The following NKAIN2 variants were observed in gnomAD, a reference collection of about 807,000 sequenced individuals.
NKAIN2 encodes sodium/potassium-transporting ATPase subunit beta-1-interacting protein 2.
In NKAIN2, 14 loss-of-function variants were observed where a neutral mutation model predicts 32.6. That is an observed-to-expected ratio of 0.43 (90% CI 0.28 to 0.67). The LOEUF is 0.67. Among genes scored for constraint, NKAIN2 ranks in the 30% least tolerant of loss-of-function variants. NKAIN2 has a pLI of 0.17. For synonymous variants in NKAIN2, 80 were observed against 87.2 expected, an observed-to-expected ratio of 0.92 and a Z score of 0.46; for missense variants, 198 against 258.3, an observed-to-expected ratio of 0.77 and a Z score of 1.60.
intron 1 of NKAIN2, among the ~76,000 whole-genome samples, chr6:124,153,263 A>C (rs1787819937): frequency 1.3e-5 from 2 of 151,876 alleles, no homozygotes; most frequent in Non-Finnish European, 2.9e-5. Flanking sequence ...CAACCCCAGA[A>C]TGCATCAACT....
intron 2 of NKAIN2, among the ~76,000 whole-genome samples, chr6:124,335,655 A>G (rs1356877631): frequency 6.6e-6 from 1 of 152,200 alleles, no homozygotes; most frequent in Non-Finnish European, 1.5e-5. Context: ...TGATAATTAT[A>G]TAAATTTTGA....
intron 1 of NKAIN2, among the ~76,000 whole-genome samples, chr6:124,064,635 G>C (rs1441299647): frequency 6.6e-6 from 1 of 152,100 alleles, no homozygotes; most frequent in Admixed American, 6.6e-5. Flanking sequence ...TTTTCTCAAG[G>C]TATCTGTATG....
At chr6:123,916,725 G>GAT (rs757712867) in intron 1 of NKAIN2, among the ~76,000 whole-genome samples, 2 of 150,912 alleles carry the variant, frequency 1.3e-5, no homozygotes, top group Non-Finnish European at 2.9e-5. Context: ...TTGAGATGTA[G>GAT]ATATATATGT....
At chr6:123,872,960 T>G (rs1772974046) in intron 1 of NKAIN2, among the ~76,000 whole-genome samples, 1 of 152,158 alleles carries the variant, frequency 6.6e-6, no homozygotes, top group Admixed American at 6.5e-5. Flanking sequence ...CCTATTAAAT[T>G]TTTCAAAAAG....
intron 5 of NKAIN2, among the ~76,000 whole-genome samples, chr6:124,800,098 T>G (rs1780182417): frequency 6.6e-6 from 1 of 152,214 alleles, no homozygotes; most frequent in Admixed American, 6.5e-5. Context: ...ATGAAGTCTC[T>G]TTAAAAGCCC....
intron 1 of NKAIN2, among the ~76,000 whole-genome samples, chr6:124,033,506 A>G (rs189201896): frequency 1.7e-3 from 265 of 152,268 alleles, no homozygotes; most frequent in African/African-American, 5.9e-3. Flanking sequence ...TTATAAATGT[A>G]CTTTCTAAGT....
At chr6:124,105,637 G>A (rs1159395775) in intron 1 of NKAIN2, among the ~76,000 whole-genome samples, 2 of 152,114 alleles carry the variant, frequency 1.3e-5, no homozygotes, top group Admixed American at 6.6e-5. Flanking sequence ...GATTTAAGGG[G>A]CTCATAGCCA....
intron 3 of NKAIN2, among the ~76,000 whole-genome samples, chr6:124,358,465 A>C (rs181161254): frequency 6.6e-6 from 1 of 152,010 alleles, no homozygotes; most frequent in South Asian, 2.1e-4. Flanking sequence ...AATGATCACC[A>C]TTCTAACTGG....
chr6:124,395,169 C>T (rs112850713), intron 3 of NKAIN2, among the ~76,000 whole-genome samples: 1 of 152,094 alleles, frequency 6.6e-6, no homozygotes, highest in African/African-American at 2.4e-5. Flanking sequence ...TATTTTAATA[C>T]TTCAAATTTG....
chr6:124,016,670 G>A (rs934403847), intron 1 of NKAIN2, among the ~76,000 whole-genome samples: 1 of 152,022 alleles, frequency 6.6e-6, no homozygotes, highest in African/African-American at 2.4e-5. Flanking sequence ...CATCTCTAGG[G>A]ACAACTTTTT....
chr6:124,110,452 G>A (rs669632), intron 1 of NKAIN2, among the ~76,000 whole-genome samples: 106,625 of 151,464 alleles, frequency 0.7, 37,850 homozygotes, highest in East Asian at 0.84. Flanking sequence ...CGGATTTTTT[G>A]CATGGGTATA....
intron 1 of NKAIN2, among the ~76,000 whole-genome samples, chr6:124,090,238 G>A (rs7743971): frequency 0.019 from 2,953 of 152,020 alleles, 87 homozygotes; most frequent in African/African-American, 0.065. Context: ...CAGCTCTTCT[G>A]TACATAACCT....
intron 3 of NKAIN2, among the ~76,000 whole-genome samples, chr6:124,363,519 C>T (rs775220474): frequency 6.6e-6 from 1 of 152,140 alleles, no homozygotes; most frequent in Non-Finnish European, 1.5e-5. Context: ...AATTCTGTAC[C>T]AGGCTAAAAA....
intron 3 of NKAIN2, among the ~76,000 whole-genome samples, chr6:124,551,112 G>A (rs2114867178): frequency 6.6e-6 from 1 of 152,292 alleles, no homozygotes; most frequent in East Asian, 1.9e-4. Flanking sequence ...AGTTTTGCCA[G>A]CTGACTATAA....
chr6:124,178,125 G>A (rs567779956), intron 1 of NKAIN2, among the ~76,000 whole-genome samples: 1 of 152,152 alleles, frequency 6.6e-6, no homozygotes, highest in East Asian at 1.9e-4. Context: ...CAGCAAAAAG[G>A]TGCCATGTAA....
At chr6:124,437,110 T>C (rs1775479734) in intron 3 of NKAIN2, among the ~76,000 whole-genome samples, 1 of 152,192 alleles carries the variant, frequency 6.6e-6, no homozygotes, top group Non-Finnish European at 1.5e-5. Context: ...TATTTTAAAA[T>C]TTCAGTCTCT....
chr6:124,449,310 A>T (rs1403515782), intron 3 of NKAIN2, among the ~76,000 whole-genome samples: 1 of 152,116 alleles, frequency 6.6e-6, no homozygotes, highest in African/African-American at 2.4e-5. Context: ...GGAAAGAACT[A>T]TTGGAGACAT....
At chr6:124,517,247 A>C (rs138733750) in intron 3 of NKAIN2, among the ~76,000 whole-genome samples, 618 of 152,344 alleles carry the variant, frequency 4.1e-3, no homozygotes, top group Non-Finnish European at 6.1e-3. Context: ...CTCGGAAATT[A>C]GAAGTGGTCC....
intron 3 of NKAIN2, among the ~76,000 whole-genome samples, chr6:124,396,643 T>C (rs1773395647): frequency 1.3e-5 from 2 of 152,108 alleles, no homozygotes; most frequent in Non-Finnish European, 2.9e-5. Flanking sequence ...ATGGAGAGTA[T>C]GTTTCAGCAA....
Sources: allele counts gnomAD v4.1 joint callset (sites outside exome capture counted in the v4.1 genomes callset), GRCh38; gene constraint gnomAD v4.1.1; transcripts MANE v1.5; gene names NCBI Gene and HGNC (gene_info 2026-07-23, HGNC 2026-07-21).